The following TBC1D8B variants were observed in gnomAD, a reference collection of about 807,000 sequenced individuals.
TBC1D8B encodes RP11-321G1.1.
A neutral mutation model predicts 82.9 loss-of-function variants in TBC1D8B; 75 were observed. The observed-to-expected ratio is 0.90, with a 90% CI of 0.75 to 1.10. The LOEUF is 1.10. Among genes scored for constraint, TBC1D8B ranks in the 50% least tolerant of loss-of-function variants. TBC1D8B has a pLI of 0.00. For synonymous variants in TBC1D8B, 276 were observed against 276.8 expected, an observed-to-expected ratio of 1.00 and a Z score of 0.03; for missense variants, 794 against 796.9, an observed-to-expected ratio of 1.00 and a Z score of 0.04.
rs947930031 is a variant in TBC1D8B at position 106,840,065 on chromosome X, G to A, written c.1371G>A (p.Lys457=). The part of the protein sequence containing the change: ...LNSKMLKEKM[K]EQSWKILFAE... ...CATTACAGTTGAAAGAAAAAATGAA[G>A]GAACAGTCATGGAAAATACTGTTTG... The change falls in exon 9 of 21, where the codon AAG becomes AAA. Residue 457 remains lysine, a synonymous_variant. Coordinates refer to ENST00000357242, the MANE Select transcript of TBC1D8B (RefSeq NM_017752.3). 8.4e-7 allele frequency: 1 copy of A among 1,194,073 alleles called. No individual in the cohort carries two copies. The highest frequency in any genetic ancestry group is 1.1e-6 in the Non-Finnish European group (1 of 889,062).
Position 106,804,837 on chromosome X carries a change from C to T in TBC1D8B, c.130+1854C>T, listed in dbSNP as rs73247961. Among the ~76,000 whole-genome samples the T allele has an allele frequency of 9.0e-3, 978 of 109,129 alleles. 8 individuals carry two copies. Among genetic ancestry groups the T allele is most frequent in the Non-Finnish European group, 0.015 (782 of 52,525 alleles). The allele number at this position is 109,129 out of a possible 115,157, so 94.8% of individuals were successfully genotyped here. ...CTGGGAGGTCAAGGCTACAGTGAGCCGTAATAGGGCCACTGCACTCCAGCC... is the reference window on the plus strand; with the variant it reads ...CTGGGAGGTCAAGGCTACAGTGAGCTGTAATAGGGCCACTGCACTCCAGCC... On this transcript the variant is annotated intron_variant, in intron 1 of 20. Transcript: ENST00000357242.
intron 12 of TBC1D8B, among the ~76,000 whole-genome samples, chrX:106,851,734 G>C (rs1414690435): frequency 8.9e-6 from 1 of 111,775 alleles, no homozygotes; most frequent in South Asian, 3.8e-4. Flanking sequence ...TCCCTACAAA[G>C]GACATGAACT....
chrX:106,854,461 A>G (rs922473514), intron 14 of TBC1D8B, among the ~76,000 whole-genome samples, 165 bp downstream of exon 14: 2 of 111,249 alleles, frequency 1.8e-5, no homozygotes, highest in East Asian at 5.6e-4. Context: ...GAGAAAATAC[A>G]TTATTTTCTT....
At position 106,873,606 on chromosome X, in the gene TBC1D8B, T is replaced by A. The variant is rs1299549325; in HGVS notation, c.3004T>A (p.Leu1002Ile). 26 of 1,206,975 alleles carry A rather than the reference T, an allele frequency of 2.2e-5. No homozygotes were observed. Among genetic ancestry groups the A allele is most frequent in the Non-Finnish European group, 2.9e-5 (26 of 893,832 alleles). The change falls in exon 21 of 21, where the codon TTA (leucine) becomes ATA (isoleucine). Residue 1002 changes from leucine to isoleucine, a missense_variant. Physicochemically the swap from Leu to Ile is conservative, Grantham distance 5. Coordinates refer to ENST00000357242, the MANE Select transcript of TBC1D8B (RefSeq NM_017752.3). The part of the protein sequence containing the change: ...FIQFSKTLYN[L>I]FHEDPEEESL... The stretch of plus-strand genomic sequence containing the variant: ...TCAGTTTTCAAAGACCCTCTATAAC[T>A]TATTTCATGAGGACCCTGAAGAAGA...
At chrX:106,848,100 T>C in intron 10 of TBC1D8B, 86 bp from the exon 11 acceptor site, 1 of 582,423 alleles carries the variant, frequency 1.7e-6, no homozygotes. Flanking sequence ...TTGTTCTTGT[T>C]GCTGTCAAAA....
intron 1 of TBC1D8B, among the ~76,000 whole-genome samples, chrX:106,817,755 T>C (rs1225238347): frequency 9.0e-6 from 1 of 111,307 alleles, no homozygotes; most frequent in Non-Finnish European, 1.9e-5. Context: ...GTATTATTGC[T>C]TGGGATAGCC....
chrX:106,864,193 GA>G (rs1472627263), intron 14 of TBC1D8B, among the ~76,000 whole-genome samples: 1 of 111,472 alleles, frequency 9.0e-6, no homozygotes, highest in Admixed American at 9.5e-5. Flanking sequence ...GGGAGGATGA[GA>G]GTGGCAAGTA....
At chrX:106,803,773 TAA>T (rs1246082630) in intron 1 of TBC1D8B, among the ~76,000 whole-genome samples, 1 of 111,788 alleles carries the variant, frequency 8.9e-6, no homozygotes, top group Non-Finnish European at 1.9e-5. Context: ...GCCAAATGTT[TAA>T]AGTTTCCAGA....
At chrX:106,819,816 C>T (rs989253460) in intron 2 of TBC1D8B, among the ~76,000 whole-genome samples, 4 of 110,617 alleles carry the variant, frequency 3.6e-5, no homozygotes, top group African/African-American at 1.3e-4. Flanking sequence ...AAAGGCCTTT[C>T]TACTTAAATA....
intron 7 of TBC1D8B, among the ~76,000 whole-genome samples, chrX:106,835,442 G>A (rs751866761): frequency 2.9e-4 from 33 of 112,298 alleles, no homozygotes; most frequent in Non-Finnish European, 5.3e-4. Context: ...GCCTGTGATG[G>A]GAGGGGCTGA....
Position 106,873,664 on chromosome X carries a change from G to C in TBC1D8B, c.3062G>C (p.Ser1021Thr), listed in dbSNP as rs774509890. Residue 1021 changes from serine (S) to threonine (T), a missense_variant, in exon 21 of 21, where the codon AGC becomes ACC. Ser to Thr is a moderately conservative substitution (Grantham distance 58). Coordinates refer to ENST00000357242, the MANE Select transcript of TBC1D8B (RefSeq NM_017752.3). ...SLYQAIAVVTSLLLRMEEVGR... is the reference protein window; with the variant it reads ...SLYQAIAVVTTLLLRMEEVGR... ...TATCAAGCCATTGCTGTTGTAACCA[G>C]CCTTTTACTCAGGATGGAAGAAGTT... 2 of 1,211,589 alleles carry C rather than the reference G, an allele frequency of 1.7e-6. No homozygotes were observed. Among genetic ancestry groups the C allele is most frequent in the Non-Finnish European group, 2.2e-6 (2 of 895,332 alleles).
rs192217058 is a variant in TBC1D8B, at chrX:106,847,221, G to A, written c.1720-965G>A. 2.3e-4 allele frequency among the ~76,000 whole-genome samples: 25 copies of A among 110,952 alleles called. No individual in the cohort carries two copies. In the Admixed American group the frequency reaches 2.3e-3, roughly 10 times the overall value. Reference sequence around the variant, plus strand: ...CCTAAATGTCCAACAATAGTAGAATGGTTAAATAATTTATATTAGATCCAC... The same window carrying A: ...CCTAAATGTCCAACAATAGTAGAATAGTTAAATAATTTATATTAGATCCAC... On this transcript the variant is annotated intron_variant, in intron 10 of 20. Coordinates refer to ENST00000357242, the MANE Select transcript of TBC1D8B (RefSeq NM_017752.3).
In TBC1D8B at chrX:106,820,951, G is replaced by T; in HGVS notation, c.316G>T (p.Asp106Tyr). Residue 106 changes from aspartate (D) to tyrosine (Y), a missense_variant, in exon 3 of 21, where the codon GAT (aspartate) becomes TAT (tyrosine). Asp to Tyr is a radical substitution (Grantham distance 160). Transcript: ENST00000357242. The part of the protein sequence containing the change: ...QNIMKTLSVF[D>Y]SNEDITNFVQ... Reference sequence around the variant, plus strand: ...TATTATGAAGACCTTATCTGTATTTGATTCAAATGAAGATATTACTAATTT... The same window carrying T: ...TATTATGAAGACCTTATCTGTATTTTATTCAAATGAAGATATTACTAATTT... 1 of 1,178,011 alleles carries T rather than the reference G, an allele frequency of 8.5e-7. No individual in the cohort carries two copies. Among genetic ancestry groups the T allele is most frequent in the Non-Finnish European group, 1.1e-6 (1 of 876,268 alleles).
At chrX:106,857,150 G>A (rs1394635695) in intron 14 of TBC1D8B, among the ~76,000 whole-genome samples, 1 of 110,790 alleles carries the variant, frequency 9.0e-6, no homozygotes, top group African/African-American at 3.3e-5. Context: ...AGGCTTCTTT[G>A]TCTTATTCTT....
chrX:106,861,040 A>G (rs1246281345), intron 14 of TBC1D8B, among the ~76,000 whole-genome samples: 1 of 110,316 alleles, frequency 9.1e-6, no homozygotes, highest in African/African-American at 3.3e-5. Context: ...GTTTTGAGCA[A>G]TCTTCTTAGT....
intron 10 of TBC1D8B, among the ~76,000 whole-genome samples, chrX:106,847,648 G>A (rs1932486898): frequency 9.0e-6 from 1 of 111,432 alleles, no homozygotes; most frequent in Non-Finnish European, 1.9e-5. Context: ...TTTATAAGAA[G>A]AAACTCTAGG....
intron 3 of TBC1D8B, 35 bp downstream of exon 3, chrX:106,821,030 C>T: frequency 2.3e-6 from 2 of 869,742 alleles, no homozygotes; most frequent in Non-Finnish European, 3.2e-6. Flanking sequence ...AGATGGAGTG[C>T]CAAAACCTTT....
At chrX:106,808,280 T>C (rs1931254451) in intron 1 of TBC1D8B, among the ~76,000 whole-genome samples, 1 of 111,743 alleles carries the variant, frequency 8.9e-6, no homozygotes, top group African/African-American at 3.3e-5. Context: ...TTGTCTTTCC[T>C]ACCTCACAGC....
chrX:106,839,305 C>T lies in TBC1D8B; in HGVS notation c.1204-3C>T, dbSNP rs2147750868. 3 of 1,131,349 alleles carry T rather than the reference C, an allele frequency of 2.7e-6. No homozygotes were observed. In the East Asian group the frequency reaches 9.3e-5, roughly 35 times the overall value. The allele number at this position is 1,131,349 out of a possible 1,213,427, so 93.2% of individuals were successfully genotyped here. A position where few individuals can be genotyped will look rare whatever the true frequency, so the allele number is the denominator to read the frequency against. The stretch of plus-strand genomic sequence containing the variant: ...TGGGACAACTACATTCTTTCTTTTT[C>T]AGCTTGCTATTAGTTCTGAGTCTAC... On this transcript the variant is annotated splice_polypyrimidine_tract_variant and splice_region_variant and intron_variant, in intron 7 of 20. Coordinates refer to ENST00000357242, the MANE Select transcript of TBC1D8B (RefSeq NM_017752.3).
Sources: allele counts gnomAD v4.1 joint callset (sites outside exome capture counted in the v4.1 genomes callset), GRCh38; gene constraint gnomAD v4.1.1; transcripts MANE v1.5; gene names NCBI Gene and HGNC (gene_info 2026-07-23, HGNC 2026-07-21).